The following TENM3 variants were observed in gnomAD, a reference collection of about 807,000 sequenced individuals.
TENM3 encodes the protein teneurin-3.
TENM3 carries 63 observed loss-of-function variants against 255.1 expected under a neutral mutation model. That is an observed-to-expected ratio of 0.25 (90% CI 0.20 to 0.30). The LOEUF is 0.30. TENM3 is among the 10% of genes least tolerant of loss of function. The probability of loss-of-function intolerance (pLI) is 1.00; values close to 1 mark genes in which losing one functional copy is unlikely to be tolerated. For synonymous variants in TENM3, 1,306 were observed against 1,322.3 expected (o/e 0.99, Z 0.27); for missense variants, 2,929 against 3,461.1 (o/e 0.85, Z 3.86).
At chr4:182,514,965 C>T (rs1409652404) in intron 3 of TENM3, among the ~76,000 whole-genome samples, 1 of 152,136 alleles carries the variant, frequency 6.6e-6, no homozygotes, top group African/African-American at 2.4e-5. Flanking sequence ...ATAGTAGACT[C>T]AGTCAATTAA....
At chr4:182,387,391 G>C (rs1768025452) in intron 3 of TENM3, among the ~76,000 whole-genome samples, 1 of 151,940 alleles carries the variant, frequency 6.6e-6, no homozygotes. Flanking sequence ...GAGAACTTTT[G>C]TATCTAGCTC....
chr4:181,687,960 G>A, the TENM3 span, among the ~76,000 whole-genome samples: 1 of 152,078 alleles, frequency 6.6e-6, no homozygotes, highest in Non-Finnish European at 1.5e-5. Flanking sequence ...AATAATACTA[G>A]CAAACATTTA....
the TENM3 span, among the ~76,000 whole-genome samples, chr4:181,695,861 A>T: frequency 1.3e-5 from 2 of 152,322 alleles, no homozygotes; most frequent in East Asian, 1.9e-4. Context: ...AATTTGTGCC[A>T]GGGAAATGGG....
chr4:181,607,601 C>T, the TENM3 span, among the ~76,000 whole-genome samples: 4 of 151,968 alleles, frequency 2.6e-5, no homozygotes, highest in African/African-American at 9.6e-5. Context: ...GACGGGGTTT[C>T]ACCATGTTGG....
At chr4:182,435,596 C>G (rs1194051097) in intron 3 of TENM3, among the ~76,000 whole-genome samples, 1 of 152,216 alleles carries the variant, frequency 6.6e-6, no homozygotes, top group African/African-American at 2.4e-5. Context: ...CAGGCAACTG[C>G]TTGCCTGCCT....
At chr4:181,940,752 G>C in the TENM3 span, among the ~76,000 whole-genome samples, 625 of 152,314 alleles carry the variant, frequency 4.1e-3, 4 homozygotes, top group African/African-American at 0.014. Flanking sequence ...AGTTTAGTGT[G>C]GCAGAGGAGT....
At chr4:181,490,419 T>C in the TENM3 span, among the ~76,000 whole-genome samples, 1 of 152,172 alleles carries the variant, frequency 6.6e-6, no homozygotes, top group African/African-American at 2.4e-5. Flanking sequence ...CAATAACGTA[T>C]CTGGGACAAC....
chr4:182,082,154 G>A, the TENM3 span, among the ~76,000 whole-genome samples: 1,518 of 152,266 alleles, frequency 1.0e-2, 30 homozygotes, highest in African/African-American at 0.034. Context: ...TCTCATAGTT[G>A]TGGAGGCTGG....
intron 3 of TENM3, among the ~76,000 whole-genome samples, chr4:182,386,862 G>A (rs528167334): frequency 6.6e-6 from 1 of 152,356 alleles, no homozygotes; most frequent in South Asian, 2.1e-4. Context: ...TGCAGCCCGA[G>A]CCTCCCCGAC....
chr4:182,795,829 T>C (rs1276219271), intron 26 of TENM3, among the ~76,000 whole-genome samples: 1 of 152,230 alleles, frequency 6.6e-6, no homozygotes, highest in Non-Finnish European at 1.5e-5. Flanking sequence ...AATTTCAAAT[T>C]TTCCAGCAAT....
intron 22 of TENM3, among the ~76,000 whole-genome samples, chr4:182,765,053 T>C (rs1018897883): frequency 1.5e-4 from 23 of 151,994 alleles, no homozygotes; most frequent in African/African-American, 4.6e-4. Context: ...CGGGGAAGAA[T>C]TGTAGGTTGA....
At chr4:182,286,633 T>C (rs968103783) in intron 1 of TENM3, among the ~76,000 whole-genome samples, 3 of 152,196 alleles carry the variant, frequency 2.0e-5, no homozygotes, top group African/African-American at 7.2e-5. Context: ...TGGTCTCAAT[T>C]GTTGACACTT....
At chr4:181,909,205 T>C in the TENM3 span, among the ~76,000 whole-genome samples, 1 of 152,202 alleles carries the variant, frequency 6.6e-6, no homozygotes, top group Admixed American at 6.5e-5. Context: ...CAATAAACAA[T>C]GGAGAGAGTC....
the TENM3 span, among the ~76,000 whole-genome samples, chr4:181,932,206 G>T: frequency 6.6e-6 from 1 of 152,238 alleles, no homozygotes. Flanking sequence ...CACAGCAAAA[G>T]AAACTATCAT....
At chr4:182,719,713 G>C (rs190070767) in intron 13 of TENM3, among the ~76,000 whole-genome samples, 1 of 152,162 alleles carries the variant, frequency 6.6e-6, no homozygotes, top group East Asian at 1.9e-4. Flanking sequence ...AAGAAAGATA[G>C]AAATAAGAAA....
rs1286967031 is a variant in TENM3 at position 182,205,992 on chromosome 4, A to G, written c.-76+61238A>G. Among the ~76,000 whole-genome samples the G allele has an allele frequency of 4.3e-4, 65 of 152,184 alleles. 1 individual carries two copies. Among genetic ancestry groups the G allele is most frequent in the Admixed American group, 4.2e-3 (64 of 15,280 alleles). The stretch of plus-strand genomic sequence containing the variant: ...CTTCATTCTTCTCTGAAGCTGGCCA[A>G]AAGACGTGAAAGCAACTCACTAATT... On this transcript the variant is annotated intron_variant, in intron 1 of 2. Transcript: ENST00000512480.
the TENM3 span, among the ~76,000 whole-genome samples, chr4:181,888,494 G>GTATGTATA: frequency 3.5e-5 from 1 of 28,242 alleles, no homozygotes; most frequent in African/African-American, 1.7e-4. Flanking sequence ...ATAGAAATGT[G>GTATGTATA]TATATATATA....
At chr4:181,825,802 A>C in the TENM3 span, among the ~76,000 whole-genome samples, 1 of 152,182 alleles carries the variant, frequency 6.6e-6, no homozygotes, top group African/African-American at 2.4e-5. Flanking sequence ...GGTGATTTGG[A>C]GATTCAAGAC....
At chr4:182,487,044 G>A (rs563316515) in intron 3 of TENM3, among the ~76,000 whole-genome samples, 2 of 152,186 alleles carry the variant, frequency 1.3e-5, no homozygotes, top group South Asian at 4.1e-4. Flanking sequence ...TCATAACTTT[G>A]TTCTGAATGT....
Sources: gnomAD v4.1 joint callset for allele counts (sites outside exome capture counted in the v4.1 genomes callset) on GRCh38, gnomAD v4.1.1 for gene constraint, MANE v1.5 for transcripts, NCBI Gene and HGNC (gene_info 2026-07-23, HGNC 2026-07-21) for gene names.